The following RUNX1T1 variants were observed in gnomAD, a reference collection of about 807,000 sequenced individuals.
The protein encoded by RUNX1T1 is protein CBFA2T1.
A neutral mutation model predicts 62.8 loss-of-function variants in RUNX1T1; 4 were observed. The ratio of observed to expected loss-of-function variants is 0.06; its 90% CI spans 0.03 to 0.15. RUNX1T1 has a LOEUF of 0.15. Among genes scored for constraint, RUNX1T1 ranks in the 10% least tolerant of loss-of-function variants. RUNX1T1 has a pLI of 1.00. For synonymous variants in RUNX1T1, 291 were observed against 286.0 expected (o/e 1.02, Z -0.18); for missense variants, 508 against 754.3 (o/e 0.67, Z 3.82).
At chr8:91,976,284 A>G (rs1274418133) in intron 8 of RUNX1T1, among the ~76,000 whole-genome samples, 1 of 152,236 alleles carries the variant, frequency 6.6e-6, no homozygotes, top group East Asian at 1.9e-4. Context: ...GGAGACTTCT[A>G]TAGATATATT....
intron 2 of RUNX1T1, among the ~76,000 whole-genome samples, chr8:92,069,044 C>A (rs1003449459): frequency 2.6e-5 from 4 of 152,012 alleles, no homozygotes; most frequent in African/African-American, 9.7e-5. Flanking sequence ...TAAATAAATT[C>A]AAATGCAAAC....
At chr8:92,035,769 GC>G (rs1396443609) in intron 1 of RUNX1T1, among the ~76,000 whole-genome samples, 8 of 140,802 alleles carry the variant, frequency 5.7e-5, no homozygotes, top group African/African-American at 2.2e-4. Flanking sequence ...GGAAATATCT[GC>G]ATATATATAT....
chr8:91,996,000 T>C (rs1214227650), intron 5 of RUNX1T1, among the ~76,000 whole-genome samples: 1 of 152,166 alleles, frequency 6.6e-6, no homozygotes, highest in Non-Finnish European at 1.5e-5. Flanking sequence ...ATATCTCATT[T>C]GCTCGGTTGA....
chr8:91,993,511 C>T (rs1818086340), intron 5 of RUNX1T1, among the ~76,000 whole-genome samples: 1 of 152,094 alleles, frequency 6.6e-6, no homozygotes, highest in African/African-American at 2.4e-5. Flanking sequence ...GTGTGACCTC[C>T]AGTTACTTAA....
intron 1 of RUNX1T1, 123 bp from the exon 3 acceptor site, chr8:92,017,486 C>T (rs1823248267): frequency 1.3e-6 from 2 of 1,553,786 alleles, no homozygotes; most frequent in African/African-American, 1.4e-5. Flanking sequence ...CAATAAAATA[C>T]ACTTATCTAC....
intron 1 of RUNX1T1, among the ~76,000 whole-genome samples, chr8:92,049,365 G>T (rs1418089918): frequency 2.0e-5 from 3 of 152,112 alleles, no homozygotes; most frequent in Non-Finnish European, 4.4e-5. Flanking sequence ...GAACTGTGAT[G>T]CCCACCTCCC....
chr8:91,985,175 G>A (rs1318441850), intron 8 of RUNX1T1, among the ~76,000 whole-genome samples: 1 of 152,112 alleles, frequency 6.6e-6, no homozygotes, highest in Non-Finnish European at 1.5e-5. Flanking sequence ...TGGGTATGGG[G>A]CCAACGCATA....
intron 1 of RUNX1T1, among the ~76,000 whole-genome samples, chr8:92,026,840 G>C (rs1455806558): frequency 1.4e-5 from 2 of 147,700 alleles, no homozygotes; most frequent in South Asian, 4.3e-4. Context: ...ACAAACGGCC[G>C]GGCGCGGTGG....
intron 5 of RUNX1T1, among the ~76,000 whole-genome samples, chr8:91,993,049 G>A (rs957542267): frequency 6.6e-6 from 1 of 152,096 alleles, no homozygotes; most frequent in Non-Finnish European, 1.5e-5. Flanking sequence ...CTTATCTTTA[G>A]ACAGGTGGTA....
chr8:92,022,996 G>A (rs981007231), intron 1 of RUNX1T1, among the ~76,000 whole-genome samples: 1 of 152,100 alleles, frequency 6.6e-6, no homozygotes, highest in Admixed American at 6.5e-5. Flanking sequence ...CAATCTTTGG[G>A]GGCAAATTCT....
chr8:92,095,189 T>A, intron 1 of RUNX1T1: 5 of 1,535,146 alleles, frequency 3.3e-6, no homozygotes, highest in Non-Finnish European at 4.4e-6. Context: ...GAGCGACAGA[T>A]AACATGTTAC....
chr8:92,094,286 C>T (rs1837467532), intron 1 of RUNX1T1, among the ~76,000 whole-genome samples: 1 of 152,200 alleles, frequency 6.6e-6, no homozygotes, highest in African/African-American at 2.4e-5. Flanking sequence ...TATGAAAACA[C>T]CTATTTTGAC....
exon 4 of RUNX1T1, chr8:92,011,080 C>G (rs753824595): frequency 1.3e-6 from 2 of 1,597,760 alleles, no homozygotes; most frequent in Non-Finnish European, 1.7e-6. Context: ...CTTCAATTGT[C>G]AAAGTGGAGT....
chr8:92,053,565 T>C (rs897987609), intron 1 of RUNX1T1, among the ~76,000 whole-genome samples: 1 of 152,226 alleles, frequency 6.6e-6, no homozygotes, highest in Non-Finnish European at 1.5e-5. Context: ...ACATTGAATT[T>C]TAACATGCAG....
intron 1 of RUNX1T1, among the ~76,000 whole-genome samples, chr8:92,046,342 T>A (rs548552597): frequency 6.6e-6 from 1 of 152,074 alleles, no homozygotes; most frequent in Non-Finnish European, 1.5e-5. Context: ...CCCCTTAGTA[T>A]GAACACATGA....
intron 4 of RUNX1T1, among the ~76,000 whole-genome samples, chr8:92,008,421 C>CACACACAT (rs1294353979): frequency 2.0e-5 from 3 of 151,236 alleles, no homozygotes; most frequent in African/African-American, 7.3e-5. Context: ...CACACACACA[C>CACACACAT]ACACACACGA....
At chr8:92,024,615 C>G (rs532630077) in intron 1 of RUNX1T1, among the ~76,000 whole-genome samples, 1 of 149,120 alleles carries the variant, frequency 6.7e-6, no homozygotes, top group South Asian at 2.2e-4. Flanking sequence ...GAAACATGTA[C>G]ACTACTTTAT....
At chr8:92,023,273 T>G (rs753249141) in intron 1 of RUNX1T1, among the ~76,000 whole-genome samples, 4 of 152,244 alleles carry the variant, frequency 2.6e-5, no homozygotes, top group Non-Finnish European at 4.4e-5. Context: ...CATATTAGGT[T>G]GTATTCTTTC....
At chr8:92,062,361 C>A (rs750828810) in intron 1 of RUNX1T1, among the ~76,000 whole-genome samples, 3 of 152,228 alleles carry the variant, frequency 2.0e-5, no homozygotes, top group Admixed American at 6.5e-5. Context: ...CTGTACCCCT[C>A]CATGTATCAA....
Sources: allele counts gnomAD v4.1 joint callset (sites outside exome capture counted in the v4.1 genomes callset), GRCh38; gene constraint gnomAD v4.1.1; transcripts MANE v1.5; gene names NCBI Gene and HGNC (gene_info 2026-07-23, HGNC 2026-07-21).